The following LCLAT1 variants were observed in gnomAD, a reference collection of about 807,000 sequenced individuals.
LCLAT1 encodes lysocardiolipin acyltransferase 1.
In LCLAT1, 11 loss-of-function variants were observed where a neutral mutation model predicts 30.7. The ratio of observed to expected loss-of-function variants is 0.36; its 90% CI spans 0.23 to 0.59. The LOEUF (loss-of-function observed/expected upper bound fraction) is 0.59. LCLAT1 is among the 20% of genes least tolerant of loss of function. LCLAT1 has a pLI of 0.77. For missense variants in LCLAT1, 402 were observed against 458.6 expected (o/e 0.88, Z 1.13); for synonymous variants, 155 against 151.3 (o/e 1.02, Z -0.18).
At chr2:30,634,636 G>A (rs933454689) in intron 5 of LCLAT1, among the ~76,000 whole-genome samples, 1 of 152,174 alleles carries the variant, frequency 6.6e-6, no homozygotes. Flanking sequence ...CATCTAAAAA[G>A]CAATGAGATC....
intron 1 of LCLAT1, among the ~76,000 whole-genome samples, chr2:30,459,110 A>G (rs1487875727): frequency 6.6e-6 from 1 of 152,196 alleles, no homozygotes; most frequent in Non-Finnish European, 1.5e-5. Flanking sequence ...TTCTTTAGGA[A>G]GGTCTTTGGG....
intron 5 of LCLAT1, among the ~76,000 whole-genome samples, chr2:30,632,816 G>T (rs1465149586): frequency 1.3e-5 from 2 of 152,230 alleles, no homozygotes; most frequent in African/African-American, 2.4e-5. Flanking sequence ...TAAAAGGCAG[G>T]ACTGAGAGCT....
intron 1 of LCLAT1, among the ~76,000 whole-genome samples, chr2:30,484,930 T>C (rs1349436624): frequency 6.6e-6 from 1 of 151,336 alleles, no homozygotes; most frequent in Non-Finnish European, 1.5e-5. Context: ...TATGCTATGG[T>C]ATGGTATGGT....
chr2:30,581,310 A>G (rs1395123613), intron 5 of LCLAT1, among the ~76,000 whole-genome samples: 1 of 152,102 alleles, frequency 6.6e-6, no homozygotes, highest in African/African-American at 2.4e-5. Context: ...CTTTATGCCT[A>G]TCTCAGGAAG....
intron 1 of LCLAT1, among the ~76,000 whole-genome samples, chr2:30,505,125 T>A (rs1013955001): frequency 6.6e-5 from 10 of 152,168 alleles, no homozygotes; most frequent in Non-Finnish European, 1.0e-4. Context: ...TCTTTTTCTG[T>A]TACAGACAAT....
At chr2:30,601,014 C>G (rs1297685257) in intron 5 of LCLAT1, among the ~76,000 whole-genome samples, 1 of 151,922 alleles carries the variant, frequency 6.6e-6, no homozygotes, top group Non-Finnish European at 1.5e-5. Context: ...TCTTAAATGC[C>G]TGTCTTATTT....
intron 5 of LCLAT1, among the ~76,000 whole-genome samples, chr2:30,605,841 C>T (rs1406271298): frequency 6.6e-6 from 1 of 152,034 alleles, no homozygotes; most frequent in Non-Finnish European, 1.5e-5. Context: ...GTCCACGGCT[C>T]GGGGAGGGAG....
chr2:30,585,953 C>T (rs1381101405), intron 5 of LCLAT1, among the ~76,000 whole-genome samples: 1 of 152,080 alleles, frequency 6.6e-6, no homozygotes, highest in African/African-American at 2.4e-5. Context: ...AACTAGGTTG[C>T]TTAAAACAGT....
chr2:30,637,614 G>T (rs371244517), intron 5 of LCLAT1, among the ~76,000 whole-genome samples: 219 of 152,208 alleles, frequency 1.4e-3, no homozygotes, highest in African/African-American at 5.2e-3. Context: ...TTTCACTCTT[G>T]TTGCCCAGGC....
rs72012748 is a variant in LCLAT1 at position 30,539,248 on chromosome 2, C to CT, written c.364+5959dup. 1.5e-3 allele frequency among the ~76,000 whole-genome samples: 132 copies of CT among 90,852 alleles called. 1 individual carries two copies. The highest frequency in any genetic ancestry group is 2.3e-3 in the African/African-American group (49 of 20,882). 59.6% of individuals were successfully genotyped at this position (90,852 alleles called of 152,430 possible). Reference sequence around the variant, plus strand: ...ACAGGCTTGAGCCACCGCGCCAGGCCTTTTTTTTTTTTTTTTTTTTTTTTT... The same window carrying CT: ...ACAGGCTTGAGCCACCGCGCCAGGCCTTTTTTTTTTTTTTTTTTTTTTTTTT... On this transcript the variant is annotated intron_variant, in intron 3 of 5. Transcript: ENST00000379509.
intron 2 of LCLAT1, among the ~76,000 whole-genome samples, chr2:30,528,011 T>C (rs1685802894): frequency 6.6e-6 from 1 of 152,206 alleles, no homozygotes; most frequent in Non-Finnish European, 1.5e-5. Context: ...TCCACCTAGC[T>C]TGGCCTCCAG....
At chr2:30,527,945 A>T (rs1685798380) in intron 2 of LCLAT1, among the ~76,000 whole-genome samples, 1 of 152,178 alleles carries the variant, frequency 6.6e-6, no homozygotes, top group Non-Finnish European at 1.5e-5. Flanking sequence ...CAGGCTGGCA[A>T]GGTCCCTACG....
chr2:30,535,690 A>G (rs1390224616), intron 3 of LCLAT1, among the ~76,000 whole-genome samples: 7 of 152,236 alleles, frequency 4.6e-5, no homozygotes, highest in Non-Finnish European at 2.9e-5. Flanking sequence ...ATATCATAAA[A>G]TTGGAAAAAG....
intron 1 of LCLAT1, among the ~76,000 whole-genome samples, chr2:30,450,408 T>C (rs1681486497): frequency 7.0e-6 from 1 of 142,948 alleles, no homozygotes; most frequent in African/African-American, 2.5e-5. Flanking sequence ...AACTCTTAGC[T>C]AAGAGAGTGG....
At chr2:30,555,596 C>T (rs1189070917) in intron 3 of LCLAT1, among the ~76,000 whole-genome samples, 1 of 151,866 alleles carries the variant, frequency 6.6e-6, no homozygotes, top group African/African-American at 2.4e-5. Flanking sequence ...AATACTATTA[C>T]TATGTTAAGA....
intron 5 of LCLAT1, among the ~76,000 whole-genome samples, chr2:30,591,493 A>T (rs1316371761): frequency 6.6e-6 from 1 of 152,056 alleles, no homozygotes; most frequent in Non-Finnish European, 1.5e-5. Flanking sequence ...GTGCTTTTAG[A>T]ATTTATTTTT....
chr2:30,562,990 T>A (rs536521319), intron 4 of LCLAT1, among the ~76,000 whole-genome samples: 1 of 152,192 alleles, frequency 6.6e-6, no homozygotes. Context: ...TCAGCCATCA[T>A]TGAGTTGTAG....
Position 30,471,408 on chromosome 2 carries a change from C to T in LCLAT1, c.-5+24025C>T, listed in dbSNP as rs987166023. On this transcript the variant is annotated intron_variant, in intron 1 of 5. Coordinates refer to ENST00000379509, the MANE Select transcript of LCLAT1 (RefSeq NM_001002257.3). ...TATTTTTAGTAGAGACAGGGTTTCG[C>T]CATGTTGCCCAGGCTGGTCTTGAAC... 7.2e-5 allele frequency among the ~76,000 whole-genome samples: 11 copies of T among 152,204 alleles called. No individual in the cohort carries two copies. The South Asian group carries it at 1.0e-3, about 14-fold the overall frequency.
chr2:30,481,529 T>C (rs1305483753), intron 1 of LCLAT1, among the ~76,000 whole-genome samples: 3 of 151,652 alleles, frequency 2.0e-5, no homozygotes, highest in Non-Finnish European at 4.4e-5. Flanking sequence ...ACCTGGAGAG[T>C]GTTGTCACAA....
Sources: gnomAD v4.1 joint callset for allele counts (sites outside exome capture counted in the v4.1 genomes callset) on GRCh38, gnomAD v4.1.1 for gene constraint, MANE v1.5 for transcripts, NCBI Gene and HGNC (gene_info 2026-07-23, HGNC 2026-07-21) for gene names.